Variants in HBS1L observed in about 807,000 individuals in gnomAD.
The protein encoded by HBS1L is HBS1-like protein.
HBS1L carries 55 observed loss-of-function variants against 88.9 expected under a neutral mutation model. The observed-to-expected ratio is 0.62, with a 90% CI of 0.50 to 0.77. The LOEUF is 0.77. HBS1L is among the 30% of genes least tolerant of loss of function. HBS1L has a pLI of 0.00. For missense variants in HBS1L, 741 were observed against 829.3 expected (o/e 0.89, Z 1.31); for synonymous variants, 267 against 288.5 (o/e 0.93, Z 0.76).
At chr6:135,036,811 G>C (rs980117591) in intron 4 of HBS1L, 1 of 1,551,718 alleles carries the variant, frequency 6.4e-7, no homozygotes, top group African/African-American at 1.4e-5. Context: ...CCAAGAGAGA[G>C]AAAAAGGTGG....
intron 4 of HBS1L, among the ~76,000 whole-genome samples, chr6:135,032,380 G>T (rs144260044): frequency 6.6e-6 from 1 of 152,142 alleles, no homozygotes; most frequent in East Asian, 1.9e-4. Context: ...AATTAAAATT[G>T]TATAACTGCA....
At chr6:135,037,914 T>C in intron 4 of HBS1L, 2 of 1,551,340 alleles carry the variant, frequency 1.3e-6, no homozygotes, top group South Asian at 1.2e-5. Context: ...CGTATTTTCC[T>C]ACTGAGCTAG....
Position 134,966,447 on chromosome 6 carries a change from A to T in HBS1L, c.1925T>A (p.Leu642Ter), listed in dbSNP as rs751885702. 17 of 1,607,194 alleles carry T rather than the reference A, an allele frequency of 1.1e-5. No homozygotes were observed. The highest frequency in any genetic ancestry group is 1.4e-5 in the Non-Finnish European group (17 of 1,176,640). ...TGGTCTTTGTGTCTGTAGCTCTACC[A>T]ATGCATTCTGGCCTTTAGTCAAAAA... is the stretch of plus-strand genomic sequence containing the variant. ...PKFLTKGQNA[L>*]VELQTQRPIA... Residue 642 changes from leucine (L) to a stop codon, truncating the protein, a stop_gained, in exon 17 of 18, where the codon TTG (leucine) becomes TAG (stop). Coordinates refer to ENST00000367837, the MANE Select transcript of HBS1L (RefSeq NM_006620.4). LOFTEE classifies it high-confidence loss of function.
Position 135,002,775 on chromosome 6 carries a change from A to C in HBS1L, c.498T>G (p.Thr166=). ...SEIVPKVAKM[T]VSGKKQTMGF... is the part of the protein sequence containing the mutation. ...CCATAGTTTGCTTCTTTCCAGATAC[A>C]GTCATTTTAGCAACTTTTGGCACAA... Residue 166 remains threonine, a synonymous_variant, in exon 5 of 18, where the codon ACT becomes ACG. Coordinates refer to ENST00000367837, the MANE Select transcript of HBS1L (RefSeq NM_006620.4). 6.2e-7 allele frequency: 1 copy of C among 1,613,356 alleles called. No individual in the cohort carries two copies. The highest frequency in any genetic ancestry group is 1.1e-5 in the South Asian group (1 of 91,042).
At chr6:135,023,041 C>A in intron 4 of HBS1L, among the ~76,000 whole-genome samples, 1 of 150,154 alleles carries the variant, frequency 6.7e-6, no homozygotes. Flanking sequence ...GCAAAATAAA[C>A]AAGTAGAAAA....
chr6:135,013,522 T>G (rs950592272), intron 4 of HBS1L, among the ~76,000 whole-genome samples: 1 of 152,306 alleles, frequency 6.6e-6, no homozygotes, highest in East Asian at 1.9e-4. Flanking sequence ...TCTTGAAACA[T>G]AAGAGCCACT....
chr6:135,052,118 C>T (rs1777104008), intron 1 of HBS1L, among the ~76,000 whole-genome samples: 1 of 152,162 alleles, frequency 6.6e-6, no homozygotes, highest in African/African-American at 2.4e-5. Flanking sequence ...GGTATTCATG[C>T]AGCAGGAACA....
intron 8 of HBS1L, among the ~76,000 whole-genome samples, chr6:134,988,407 T>C (rs1161057618): frequency 2.7e-5 from 4 of 146,758 alleles, no homozygotes; most frequent in Admixed American, 6.8e-5. Flanking sequence ...ATTTGTAACA[T>C]ATAAAGTAAA....
intron 4 of HBS1L, chr6:135,027,187 C>CAAAAAAAAAAAAAAAAAAAAAAAAA (rs71006749): frequency 1.1e-4 from 6 of 56,272 alleles, no homozygotes; most frequent in African/African-American, 4.3e-4. Context: ...GACTCTATCT[C>CAAAAAAAAAAAAAAAAAAAAAAAAA]AAAAAAAAAA....
intron 4 of HBS1L, chr6:135,036,231 GA>G (rs1270507187): frequency 6.3e-6 from 6 of 950,734 alleles, no homozygotes; most frequent in Admixed American, 6.0e-5. Flanking sequence ...ATATTTCATA[GA>G]AAAAAATATT....
chr6:134,991,465 C>T (rs1775136555), intron 8 of HBS1L, among the ~76,000 whole-genome samples: 1 of 152,142 alleles, frequency 6.6e-6, no homozygotes, highest in South Asian at 2.1e-4. Context: ...ATGCAAAATC[C>T]ATGCACATGG....
At chr6:135,038,027 C>T in intron 4 of HBS1L, 1 of 1,494,830 alleles carries the variant, frequency 6.7e-7, no homozygotes, top group Non-Finnish European at 8.9e-7. Flanking sequence ...AATAAGACTC[C>T]TTACCTTACA....
intron 4 of HBS1L, among the ~76,000 whole-genome samples, chr6:135,032,880 C>T (rs1309210054): frequency 1.3e-5 from 2 of 151,550 alleles, no homozygotes; most frequent in African/African-American, 4.8e-5. Context: ...TTAAGAAAGA[C>T]AGATTCAAAG....
At chr6:135,006,670 T>G (rs1775622228) in intron 4 of HBS1L, among the ~76,000 whole-genome samples, 1 of 152,002 alleles carries the variant, frequency 6.6e-6, no homozygotes, top group Non-Finnish European at 1.5e-5. Context: ...GAAAATAGAT[T>G]GAGAATTATA....
chr6:134,990,727 T>C (rs982522322), intron 8 of HBS1L, among the ~76,000 whole-genome samples: 1 of 152,170 alleles, frequency 6.6e-6, no homozygotes, highest in African/African-American at 2.4e-5. Flanking sequence ...ATTTTTTGTA[T>C]TGTTAGTAGA....
intron 3 of HBS1L, 135 bp from the exon 4 acceptor site, chr6:135,039,902 C>T (rs1192917859): frequency 9.1e-6 from 6 of 660,296 alleles, no homozygotes; most frequent in Non-Finnish European, 1.5e-5. Context: ...AAAATTATCT[C>T]TAATGATCGT....
chr6:135,007,626 C>T (rs1173080832), intron 4 of HBS1L, among the ~76,000 whole-genome samples: 1 of 152,156 alleles, frequency 6.6e-6, no homozygotes. Context: ...ATAACTAGCA[C>T]CATTCTGGAA....
At chr6:135,020,861 T>G (rs1452541269) in intron 4 of HBS1L, among the ~76,000 whole-genome samples, 1 of 151,948 alleles carries the variant, frequency 6.6e-6, no homozygotes, top group African/African-American at 2.4e-5. Flanking sequence ...GGTCTATGTG[T>G]GGTTGTCAGA....
intron 4 of HBS1L, among the ~76,000 whole-genome samples, chr6:135,031,139 A>G (rs1776371794): frequency 1.3e-5 from 2 of 152,102 alleles, no homozygotes; most frequent in Admixed American, 6.5e-5. Flanking sequence ...GTGCCTAACA[A>G]ATAAAAGATA....
Sources: gnomAD v4.1 joint callset for allele counts (sites outside exome capture counted in the v4.1 genomes callset) on GRCh38, gnomAD v4.1.1 for gene constraint, MANE v1.5 for transcripts, NCBI Gene and HGNC (gene_info 2026-07-23, HGNC 2026-07-21) for gene names.